TGFA: variants seen among roughly 807,000 people sequenced by gnomAD.
The protein encoded by TGFA is protransforming growth factor alpha.
In TGFA, 12 loss-of-function variants were observed where a neutral mutation model predicts 21.7. The observed-to-expected ratio is 0.55, with a 90% CI of 0.35 to 0.90. The LOEUF is 0.90. Ranked by LOEUF, TGFA falls within the 40% of genes least tolerant of loss-of-function variation. TGFA has a pLI of 0.01. For missense variants in TGFA, 178 were observed against 210.8 expected (o/e 0.84, Z 0.96); for synonymous variants, 79 against 88.1 (o/e 0.90, Z 0.58).
chr2:70,535,090 A>C (rs1201311894), intron 1 of TGFA, among the ~76,000 whole-genome samples: 2 of 152,052 alleles, frequency 1.3e-5, no homozygotes, highest in African/African-American at 4.8e-5. Flanking sequence ...TAAGATTGCT[A>C]GGTGGGTTAA....
At chr2:70,553,491 C>T in intron 1 of TGFA, 1 of 1,396,676 alleles carries the variant, frequency 7.2e-7, no homozygotes, top group Non-Finnish European at 9.2e-7. Flanking sequence ...CCCAGGTGTT[C>T]TCACGCACGG....
At chr2:70,517,402 C>A (rs1321130905) in intron 1 of TGFA, among the ~76,000 whole-genome samples, 3 of 152,146 alleles carry the variant, frequency 2.0e-5, no homozygotes, top group African/African-American at 7.2e-5. Context: ...CTAAGAGGAC[C>A]CTGGAGCAGG....
At chr2:70,508,444 T>C (rs1671997565) in intron 2 of TGFA, among the ~76,000 whole-genome samples, 1 of 151,940 alleles carries the variant, frequency 6.6e-6, no homozygotes, top group African/African-American at 2.4e-5. Flanking sequence ...AAACTCCATC[T>C]CAAAACAAAC....
At chr2:70,530,721 G>C (rs1297905377) in intron 1 of TGFA, among the ~76,000 whole-genome samples, 16 of 152,224 alleles carry the variant, frequency 1.1e-4, no homozygotes. Context: ...AGCTCACACA[G>C]TGTCTCATCT....
intron 1 of TGFA, among the ~76,000 whole-genome samples, chr2:70,538,245 T>C (rs1011351621): frequency 1.3e-5 from 2 of 152,222 alleles, no homozygotes; most frequent in African/African-American, 4.8e-5. Flanking sequence ...AGAGCTCTGA[T>C]GGAGCTGTGT....
chr2:70,510,867 G>T (rs939720585), intron 2 of TGFA, among the ~76,000 whole-genome samples: 4 of 152,074 alleles, frequency 2.6e-5, no homozygotes, highest in African/African-American at 9.7e-5. Flanking sequence ...AAGGCCAGGC[G>T]TGGTGACTCA....
intron 2 of TGFA, among the ~76,000 whole-genome samples, chr2:70,508,690 C>T (rs536077745): frequency 6.6e-6 from 1 of 152,288 alleles, no homozygotes; most frequent in Admixed American, 6.5e-5. Flanking sequence ...CCATGTGATG[C>T]ACTCTGAAAT....
At chr2:70,467,838 G>C (rs992521891) in intron 2 of TGFA, 2 of 152,230 alleles carry the variant, frequency 1.3e-5, no homozygotes, top group Non-Finnish European at 2.9e-5. Context: ...GGGGGGAAAA[G>C]CAGAGGCTAA....
intron 2 of TGFA, among the ~76,000 whole-genome samples, chr2:70,480,796 C>A (rs1671091319): frequency 6.8e-6 from 1 of 146,336 alleles, no homozygotes; most frequent in African/African-American, 2.5e-5. Context: ...TGGATAATAT[C>A]CCCCAGAGCT....
chr2:70,533,105 G>A (rs552580047), intron 1 of TGFA, among the ~76,000 whole-genome samples: 7 of 151,646 alleles, frequency 4.6e-5, no homozygotes, highest in Admixed American at 1.3e-4. Context: ...CAAGTGATCC[G>A]CCCATCTCAG....
Position 70,529,602 on chromosome 2 carries a change from T to G in TGFA, c.41-14690A>C, listed in dbSNP as rs1553503490. On this transcript the variant is annotated intron_variant, in intron 1 of 5. Coordinates refer to ENST00000295400, the MANE Select transcript of TGFA (RefSeq NM_003236.4). ...TGAGGAGTGAATCCCCCCGCCCCAG[T>G]CCTAGAAAAGAGCAGGTGGCTGCTG... 3.8e-5 allele frequency among the ~76,000 whole-genome samples: 5 copies of G among 131,636 alleles called. 1 individual carries two copies. 86.4% of individuals were successfully genotyped at this position (131,636 alleles called of 152,430 possible).
Position 70,450,700 on chromosome 2 carries a change from GAC to G in TGFA, c.*157_*158del. On this transcript the variant is annotated 3_prime_UTR_variant, in exon 6 of 6. Coordinates refer to ENST00000295400, the MANE Select transcript of TGFA (RefSeq NM_003236.4). ...ATAACCCCAAGCAGACGGAGTTCTT[GAC>G]AGAGTTTTGAAGGCCCACAAAAGGC... 2.7e-6 allele frequency: 2 copies of G among 736,792 alleles called. No individual in the cohort carries two copies. Among genetic ancestry groups the G allele is most frequent in the South Asian group, 3.6e-5 (2 of 56,170 alleles). The allele number at this position is 736,792 out of a possible 1,614,324, so 45.6% of individuals were successfully genotyped here. A position where few individuals can be genotyped will look rare whatever the true frequency, so the allele number is the denominator to read the frequency against.
rs116023396 is a variant in TGFA at position 70,524,064 on chromosome 2, G to C, written c.41-9152C>G. Among the ~76,000 whole-genome samples the C allele has an allele frequency of 7.4e-3, 1,130 of 152,190 alleles. 10 individuals are homozygous for C. The highest frequency in any genetic ancestry group is 0.025 in the African/African-American group (1,050 of 41,508). ...GAGACACTTTTGTTTCTAAGGCCCG[G>C]CCACTGTGATGCAACAACTCACACT... On this transcript the variant is annotated intron_variant, in intron 1 of 5. Transcript: ENST00000295400.
At position 70,450,741 on chromosome 2, in the gene TGFA, A is replaced by T; in HGVS notation, c.*118T>A. 8.2e-7 allele frequency: 1 copy of T among 1,213,584 alleles called. No homozygotes were observed. Among genetic ancestry groups the T allele is most frequent in the Non-Finnish European group, 1.2e-6 (1 of 841,042 alleles). 75.2% of individuals were successfully genotyped at this position (1,213,584 alleles called of 1,614,324 possible). A position where few individuals can be genotyped will look rare whatever the true frequency, so the allele number is the denominator to read the frequency against. ...CCCACAAAAGGCTGCACAGGTGATTACAGGCCAAGTAGGAAGGTCTGTGGC... is the reference window on the plus strand; with the variant it reads ...CCCACAAAAGGCTGCACAGGTGATTTCAGGCCAAGTAGGAAGGTCTGTGGC... On this transcript the variant is annotated 3_prime_UTR_variant, in exon 6 of 6. Transcript: ENST00000295400.
At chr2:70,468,180 CATT>C (rs1670628810) in intron 2 of TGFA, among the ~76,000 whole-genome samples, 1 of 152,230 alleles carries the variant, frequency 6.6e-6, no homozygotes, top group South Asian at 2.1e-4. Flanking sequence ...TCCCCCCATA[CATT>C]CAGTGAGGTA....
At chr2:70,503,983 T>C (rs147575779) in intron 2 of TGFA, among the ~76,000 whole-genome samples, 1 of 152,332 alleles carries the variant, frequency 6.6e-6, no homozygotes, top group East Asian at 1.9e-4. Context: ...TCATCTTCAG[T>C]CAATTCACGA....
chr2:70,476,345 T>A (rs928178082), intron 2 of TGFA, among the ~76,000 whole-genome samples: 3 of 152,178 alleles, frequency 2.0e-5, no homozygotes, highest in African/African-American at 7.2e-5. Flanking sequence ...TTGGCTTTCA[T>A]CAGCTGGCTT....
chr2:70,514,692 C>A (rs1672212981), intron 2 of TGFA, among the ~76,000 whole-genome samples, 167 bp downstream of exon 2: 1 of 152,140 alleles, frequency 6.6e-6, no homozygotes, highest in African/African-American at 2.4e-5. Flanking sequence ...CAGTTAAGAC[C>A]TTCCAGTGAG....
chr2:70,493,132 C>T (rs1301280493), intron 2 of TGFA, among the ~76,000 whole-genome samples: 2 of 152,080 alleles, frequency 1.3e-5, no homozygotes, highest in African/African-American at 4.8e-5. Context: ...CATGATAAAA[C>T]CCAAATGCTC....
Sources: allele counts gnomAD v4.1 joint callset (sites outside exome capture counted in the v4.1 genomes callset), GRCh38; gene constraint gnomAD v4.1.1; transcripts MANE v1.5; gene names NCBI Gene and HGNC (gene_info 2026-07-23, HGNC 2026-07-21).